ADAM7: variants seen among roughly 807,000 people sequenced by gnomAD.
ADAM7 encodes the protein disintegrin and metalloproteinase domain-containing protein 7.
A neutral mutation model predicts 102.9 loss-of-function variants in ADAM7; 97 were observed. That is an observed-to-expected ratio of 0.94 (90% CI 0.80 to 1.12). The LOEUF (loss-of-function observed/expected upper bound fraction) is 1.12, where lower values mean the gene tolerates loss of function less well. Among genes scored for constraint, ADAM7 ranks in the 50% most tolerant of loss-of-function variants. The probability of loss-of-function intolerance (pLI) is 0.00; values close to 1 mark genes in which losing one functional copy is unlikely to be tolerated. For synonymous variants in ADAM7, 334 were observed against 304.4 expected (o/e 1.10, Z -1.01); for missense variants, 991 against 908.7 (o/e 1.09, Z -1.16).
At chr8:24,449,986 T>A (rs1339214252) in intron 3 of ADAM7, among the ~76,000 whole-genome samples, 1 of 152,180 alleles carries the variant, frequency 6.6e-6, no homozygotes, top group Non-Finnish European at 1.5e-5. Flanking sequence ...TTCTGAGGGC[T>A]CTGTTTTGTT....
intron 12 of ADAM7, 88 bp downstream of exon 12, chr8:24,489,421 G>A (rs183194860): frequency 1.1e-4 from 141 of 1,265,250 alleles, no homozygotes; most frequent in Admixed American, 4.1e-4. Flanking sequence ...CAAACCAACC[G>A]TGGTGTTCCT....
chr8:24,488,297 C>T (rs558633342), intron 11 of ADAM7, among the ~76,000 whole-genome samples: 21 of 152,244 alleles, frequency 1.4e-4, no homozygotes, highest in Non-Finnish European at 2.9e-4. Context: ...CAGCCTTCCC[C>T]ATTGTACTGT....
At chr8:24,454,890 A>G (rs1041653186) in intron 3 of ADAM7, among the ~76,000 whole-genome samples, 3 of 152,146 alleles carry the variant, frequency 2.0e-5, no homozygotes, top group African/African-American at 7.2e-5. Context: ...TAGGACAACA[A>G]TGTTAAATCA....
chr8:24,464,579 C>T (rs533374688), intron 4 of ADAM7, among the ~76,000 whole-genome samples: 7 of 152,266 alleles, frequency 4.6e-5, no homozygotes, highest in Admixed American at 3.9e-4. Context: ...AAAGTATTTC[C>T]TCCATTTAAA....
chr8:24,493,927 A>T (rs1380094320), intron 16 of ADAM7, among the ~76,000 whole-genome samples: 1 of 152,236 alleles, frequency 6.6e-6, no homozygotes, highest in East Asian at 1.9e-4. Context: ...GCAAAAGATG[A>T]AATTGAAGAG....
At chr8:24,505,128 T>C (rs531644729) in intron 20 of ADAM7, among the ~76,000 whole-genome samples, 3 of 152,298 alleles carry the variant, frequency 2.0e-5, no homozygotes, top group South Asian at 4.1e-4. Context: ...GTTATTTTAA[T>C]CTACGATGCC....
At chr8:24,483,510 T>G (rs1420968189) in intron 9 of ADAM7, among the ~76,000 whole-genome samples, 2 of 152,228 alleles carry the variant, frequency 1.3e-5, no homozygotes, top group Admixed American at 6.5e-5. Context: ...CAGTCCGAAC[T>G]CAAAAACCTG....
chr8:24,456,749 T>C (rs890406740), intron 3 of ADAM7, among the ~76,000 whole-genome samples: 14 of 152,242 alleles, frequency 9.2e-5, no homozygotes, highest in Admixed American at 2.6e-4. Context: ...CATACTGATA[T>C]TGAGATTCAT....
chr8:24,445,692 A>AGATATTT (rs1818531697), intron 2 of ADAM7, among the ~76,000 whole-genome samples: 1 of 152,208 alleles, frequency 6.6e-6, no homozygotes, highest in Non-Finnish European at 1.5e-5. Context: ...TTGCTATGGC[A>AGATATTT]TGTTTCTGCC....
chr8:24,481,034 G>A (rs1819932051), intron 8 of ADAM7, among the ~76,000 whole-genome samples: 1 of 151,816 alleles, frequency 6.6e-6, no homozygotes, highest in African/African-American at 2.4e-5. Flanking sequence ...TGCACTCCAG[G>A]CTGGGTGACA....
At chr8:24,500,141 C>T in intron 17 of ADAM7, 37 bp from the exon 18 acceptor site, 1 of 1,563,164 alleles carries the variant, frequency 6.4e-7, no homozygotes, top group Non-Finnish European at 8.7e-7. Context: ...CAACTTATAT[C>T]AGTCATTTGA....
At chr8:24,499,043 T>C (rs1820654905) in intron 16 of ADAM7, among the ~76,000 whole-genome samples, 193 bp from the exon 17 acceptor site, 1 of 152,116 alleles carries the variant, frequency 6.6e-6, no homozygotes, top group Admixed American at 6.6e-5. Flanking sequence ...AGGATTTCTC[T>C]ATCCACAGAA....
chr8:24,451,806 T>C (rs367551507), intron 3 of ADAM7, among the ~76,000 whole-genome samples: 8 of 150,708 alleles, frequency 5.3e-5, no homozygotes, highest in Non-Finnish European at 1.0e-4. Flanking sequence ...AATTTCCCTC[T>C]ACACACTGCT....
intron 11 of ADAM7, among the ~76,000 whole-genome samples, chr8:24,488,416 T>C (rs1370816095): frequency 6.6e-6 from 1 of 152,188 alleles, no homozygotes; most frequent in Non-Finnish European, 1.5e-5. Context: ...TGATCAATGC[T>C]TCCACACATT....
chr8:24,476,624 C>A, intron 8 of ADAM7, 120 bp downstream of exon 8: 1 of 620,312 alleles, frequency 1.6e-6, no homozygotes, highest in Non-Finnish European at 2.6e-6. Context: ...AGCACAAAGA[C>A]TAATAAGCAA....
At chr8:24,505,604 C>G (rs568984280) in intron 20 of ADAM7, among the ~76,000 whole-genome samples, 11 of 152,082 alleles carry the variant, frequency 7.2e-5, no homozygotes, top group Non-Finnish European at 1.3e-4. Flanking sequence ...CGTCTTTTAC[C>G]TATTACGTTA....
intron 8 of ADAM7, among the ~76,000 whole-genome samples, chr8:24,478,032 C>T (rs4621813): frequency 0.13 from 19,192 of 152,040 alleles, 1,571 homozygotes; most frequent in Non-Finnish European, 0.18. Flanking sequence ...TTTTTTATTA[C>T]TGCATAACAA....
intron 19 of ADAM7, among the ~76,000 whole-genome samples, chr8:24,501,171 T>C (rs1820747048): frequency 6.6e-6 from 1 of 152,174 alleles, no homozygotes; most frequent in Non-Finnish European, 1.5e-5. Flanking sequence ...TGGGTATGAC[T>C]TGAGCATTAG....
chr8:24,461,672 T>C (rs1193007358), intron 3 of ADAM7, among the ~76,000 whole-genome samples: 1 of 152,126 alleles, frequency 6.6e-6, no homozygotes, highest in East Asian at 1.9e-4. Flanking sequence ...TCTACATAGC[T>C]CTGAAGCTCT....
Sources: gnomAD v4.1 joint callset for allele counts (sites outside exome capture counted in the v4.1 genomes callset) on GRCh38, gnomAD v4.1.1 for gene constraint, MANE v1.5 for transcripts, NCBI Gene and HGNC (gene_info 2026-07-23, HGNC 2026-07-21) for gene names.